Variants in SERPINE2 observed in about 807,000 individuals in gnomAD.
The protein encoded by SERPINE2 is serpin family E member 2.
Under a neutral mutation model 36.3 loss-of-function variants are expected in SERPINE2, and 14 were observed. The observed-to-expected ratio is 0.39, with a 90% confidence interval of 0.25 to 0.60. SERPINE2 has a LOEUF of 0.60. Among genes scored for constraint, SERPINE2 ranks in the 20% least tolerant of loss-of-function variants. SERPINE2 has a pLI of 0.57. For missense variants in SERPINE2, 418 were observed against 499.6 expected (o/e 0.84, Z 1.56); for synonymous variants, 192 against 191.8 (o/e 1.00, Z -0.01).
At chr2:223,984,644 C>A in intron 5 of SERPINE2, 108 bp downstream of exon 5, 1 of 1,022,294 alleles carries the variant, frequency 9.8e-7, no homozygotes, top group Non-Finnish European at 1.4e-6. Context: ...CAGAACAGAA[C>A]AGGCTTCATG....
intron 4 of SERPINE2, among the ~76,000 whole-genome samples, chr2:223,990,089 AG>A (rs148207922): frequency 1.3e-5 from 2 of 152,034 alleles, no homozygotes; most frequent in Non-Finnish European, 2.9e-5. Flanking sequence ...TGACTCTGTA[AG>A]GGGGGGCTTG....
rs80265942 is a variant in SERPINE2 at position 224,025,126 on chromosome 2, C to T, written c.-23+13973G>A. Among the ~76,000 whole-genome samples, 413 of 152,306 alleles carry T rather than the reference C, an allele frequency of 2.7e-3. 5 individuals are homozygous for T. Among genetic ancestry groups the T allele is most frequent in the African/African-American group, 9.8e-3 (409 of 41,560 alleles). Reference sequence around the variant, plus strand: ...ATGCAGAGAGGTTGGGGAACCTGCCCACATCACACAGAAAAAAAAGAGAGC... The same window carrying T: ...ATGCAGAGAGGTTGGGGAACCTGCCTACATCACACAGAAAAAAAAGAGAGC... On this transcript the variant is annotated intron_variant, in intron 1 of 8. Transcript: ENST00000409304.
chr2:224,021,627 T>C (rs1444743154), intron 1 of SERPINE2, among the ~76,000 whole-genome samples: 1 of 152,104 alleles, frequency 6.6e-6, no homozygotes, highest in African/African-American at 2.4e-5. Context: ...TAAGAGGAGG[T>C]GAAAATCAGA....
chr2:224,000,651 G>T (rs1691080020), intron 2 of SERPINE2, among the ~76,000 whole-genome samples: 1 of 152,020 alleles, frequency 6.6e-6, no homozygotes. Flanking sequence ...AGCCCCACAT[G>T]CATTAGGTAT....
chr2:224,002,667 T>TTC (rs2106166218), intron 1 of SERPINE2, among the ~76,000 whole-genome samples: 1 of 149,694 alleles, frequency 6.7e-6, no homozygotes, highest in East Asian at 2.0e-4. Flanking sequence ...AATTTTTTTT[T>TTC]TTTTTTTTTT....
At chr2:224,017,525 TATTA>T (rs1262333945) in intron 1 of SERPINE2, among the ~76,000 whole-genome samples, 1 of 152,208 alleles carries the variant, frequency 6.6e-6, no homozygotes, top group Non-Finnish European at 1.5e-5. Flanking sequence ...CTTATAACAG[TATTA>T]ATTCTTATTC....
intron 1 of SERPINE2, chr2:224,029,950 G>A: frequency 1.6e-6 from 1 of 615,834 alleles, no homozygotes; most frequent in Non-Finnish European, 2.0e-6. Context: ...GCCCACCTCA[G>A]CCTCCCAAAC....
chr2:223,983,969 A>C (rs896002091), intron 5 of SERPINE2, among the ~76,000 whole-genome samples: 3 of 149,836 alleles, frequency 2.0e-5, no homozygotes, highest in African/African-American at 7.4e-5. Flanking sequence ...TTATTTTACA[A>C]AAAAAAAAAA....
At chr2:223,997,879 G>A (rs77863905) in intron 3 of SERPINE2, among the ~76,000 whole-genome samples, 1,780 of 152,302 alleles carry the variant, frequency 0.012, 20 homozygotes, top group African/African-American at 0.03. Flanking sequence ...GGAGACAGTG[G>A]AGGGGCTGGA....
chr2:224,038,893 C>G (rs934824613), intron 1 of SERPINE2: 18 of 201,846 alleles, frequency 8.9e-5, no homozygotes, highest in Non-Finnish European at 1.5e-4. Flanking sequence ...CGGCGAGCAC[C>G]CAGCCCCGGC....
At chr2:224,019,885 T>C (rs1467537177) in intron 1 of SERPINE2, among the ~76,000 whole-genome samples, 1 of 152,092 alleles carries the variant, frequency 6.6e-6, no homozygotes, top group Non-Finnish European at 1.5e-5. Flanking sequence ...GCAGAATGTT[T>C]AGCAGTATTC....
chr2:224,023,671 C>T (rs1692086821), intron 1 of SERPINE2, among the ~76,000 whole-genome samples: 2 of 152,188 alleles, frequency 1.3e-5, no homozygotes, highest in Admixed American at 1.3e-4. Flanking sequence ...CCAAATATAT[C>T]AAAGGTGTCA....
chr2:224,000,571 A>G (rs1046412555), intron 2 of SERPINE2, among the ~76,000 whole-genome samples: 5 of 152,050 alleles, frequency 3.3e-5, no homozygotes, highest in Non-Finnish European at 5.9e-5. Flanking sequence ...CAGAACGTGT[A>G]GGTTTATTAC....
At chr2:224,036,462 C>A (rs781716814) in intron 1 of SERPINE2, among the ~76,000 whole-genome samples, 15 of 148,072 alleles carry the variant, frequency 1.0e-4, no homozygotes, top group Non-Finnish European at 1.9e-4. Flanking sequence ...AGGGAAACAT[C>A]ACACACTGGG....
At chr2:223,990,429 T>C (rs1205171552) in intron 4 of SERPINE2, among the ~76,000 whole-genome samples, 3 of 152,254 alleles carry the variant, frequency 2.0e-5, no homozygotes, top group Admixed American at 1.3e-4. Flanking sequence ...AAGAAATTCA[T>C]GTTATATTTC....
chr2:223,993,571 T>C (rs938034395), intron 3 of SERPINE2, among the ~76,000 whole-genome samples: 1 of 152,130 alleles, frequency 6.6e-6, no homozygotes, highest in Non-Finnish European at 1.5e-5. Context: ...TGTGTGTATG[T>C]GTATAAATAC....
At chr2:224,019,985 G>A (rs553214413) in intron 1 of SERPINE2, among the ~76,000 whole-genome samples, 1 of 152,154 alleles carries the variant, frequency 6.6e-6, no homozygotes, top group African/African-American at 2.4e-5. Flanking sequence ...CTGAAGGAGA[G>A]AGGAAGGATC....
At chr2:223,993,913 G>A (rs539614787) in intron 3 of SERPINE2, among the ~76,000 whole-genome samples, 1 of 152,316 alleles carries the variant, frequency 6.6e-6, no homozygotes, top group African/African-American at 2.4e-5. Flanking sequence ...CAAACAGACT[G>A]TCCTGTGGGA....
chr2:224,030,999 G>C (rs1433711477), intron 1 of SERPINE2: 1 of 985,290 alleles, frequency 1.0e-6, no homozygotes, highest in East Asian at 1.1e-4. Flanking sequence ...GCCTCTTTCT[G>C]TATCATGTGT....
Sources: allele counts gnomAD v4.1 joint callset (sites outside exome capture counted in the v4.1 genomes callset), GRCh38; gene constraint gnomAD v4.1.1; transcripts MANE v1.5; gene names NCBI Gene and HGNC (gene_info 2026-07-23, HGNC 2026-07-21).